FHL2: variants seen among roughly 807,000 people sequenced by gnomAD.
The protein encoded by FHL2 is four and a half LIM domains 2.
Under a neutral mutation model 32.7 loss-of-function variants are expected in FHL2, and 20 were observed. The ratio of observed to expected loss-of-function variants is 0.61; its 90% CI spans 0.43 to 0.89. The LOEUF is 0.89. Ranked by LOEUF, FHL2 falls within the 40% of genes least tolerant of loss-of-function variation. The pLI is 0.00. For missense variants in FHL2, 311 were observed against 358.6 expected, an observed-to-expected ratio of 0.87 and a Z score of 1.07; for synonymous variants, 123 against 128.1, an observed-to-expected ratio of 0.96 and a Z score of 0.27.
intron 6 of FHL2, among the ~76,000 whole-genome samples, chr2:105,362,557 C>G (rs1350735457): frequency 6.6e-6 from 1 of 152,250 alleles, no homozygotes; most frequent in East Asian, 1.9e-4. Context: ...AACCAGTCAA[C>G]TGAATGCAAC....
intron 5 of FHL2, among the ~76,000 whole-genome samples, chr2:105,365,397 A>G (rs1414277103): frequency 4.6e-5 from 7 of 152,206 alleles, no homozygotes; most frequent in South Asian, 4.1e-4. Context: ...TTTAATGAAC[A>G]TGCACACAAA....
intron 4 of FHL2, among the ~76,000 whole-genome samples, chr2:105,370,155 T>C (rs2104516811): frequency 6.6e-6 from 1 of 152,206 alleles, no homozygotes; most frequent in South Asian, 2.1e-4. Flanking sequence ...GGGAGATCTC[T>C]TGAGCCCAGG....
At chr2:105,411,575 G>C (rs1435977900) in intron 1 of FHL2, among the ~76,000 whole-genome samples, 2 of 80,110 alleles carry the variant, frequency 2.5e-5, no homozygotes, top group African/African-American at 9.8e-5. Flanking sequence ...GACTTTAAAA[G>C]TTCTCATGGT....
chr2:105,371,546 ATCTC>A (rs10701119), intron 4 of FHL2, among the ~76,000 whole-genome samples: 1,628 of 141,068 alleles, frequency 0.012, 22 homozygotes, highest in Non-Finnish European at 0.015. Context: ...ATCCCTTGAA[ATCTC>A]TCTCTCTCTC....
At chr2:105,436,853 A>G (rs1409506794) in intron 1 of FHL2, among the ~76,000 whole-genome samples, 1 of 152,232 alleles carries the variant, frequency 6.6e-6, no homozygotes, top group Admixed American at 6.5e-5. Flanking sequence ...TGAAAAAGAT[A>G]TAAACAATCA....
intron 1 of FHL2, among the ~76,000 whole-genome samples, chr2:105,418,706 A>T (rs904134766): frequency 6.6e-6 from 1 of 152,118 alleles, no homozygotes; most frequent in African/African-American, 2.4e-5. Flanking sequence ...CGCTCCCCTT[A>T]TCTGCAGTTT....
intron 3 of FHL2, chr2:105,386,049 C>T (rs1682285476): frequency 2.3e-6 from 1 of 433,052 alleles, no homozygotes; most frequent in African/African-American, 2.0e-5. Context: ...GAGAGCACCA[C>T]CCTTAAGAAA....
chr2:105,401,207 A>T (rs1683459686), upstream of FHL2, among the ~76,000 whole-genome samples: 2 of 152,120 alleles, frequency 1.3e-5, no homozygotes, highest in African/African-American at 4.8e-5. Flanking sequence ...GTTAGGGGTG[A>T]TAATGTGATT....
chr2:105,399,004 C>G lies in FHL2; in HGVS notation c.-238G>C. The G allele has an allele frequency of 6.7e-7, 1 of 1,502,780 alleles. No homozygotes were observed. Among genetic ancestry groups the G allele is most frequent in the Non-Finnish European group, 8.9e-7 (1 of 1,129,172 alleles). The allele number at this position is 1,502,780 out of a possible 1,614,324, so 93.1% of individuals were successfully genotyped here. A position where few individuals can be genotyped will look rare whatever the true frequency, so the allele number is the denominator to read the frequency against. ...GCGGGCCGGGGACTCCCGGACGGGG[C>G]TGGAGGGCGCGGGCGGCTGGTGGCT... On this transcript the variant is annotated 5_prime_UTR_variant, in exon 1 of 7. Transcript: ENST00000530340.
At chr2:105,395,270 C>T (rs992120424) in intron 2 of FHL2, among the ~76,000 whole-genome samples, 15 of 152,230 alleles carry the variant, frequency 9.9e-5, no homozygotes, top group African/African-American at 3.1e-4. Context: ...GCCTCGGGTC[C>T]GTCAATCACA....
intron 1 of FHL2, among the ~76,000 whole-genome samples, chr2:105,410,257 CT>C (rs1307903961): frequency 6.6e-6 from 1 of 152,246 alleles, no homozygotes; most frequent in Non-Finnish European, 1.5e-5. Context: ...CCTGAGCAGT[CT>C]TAAACCCAGG....
At chr2:105,398,500 TC>T (rs2104633767) in intron 1 of FHL2, among the ~76,000 whole-genome samples, 1 of 152,066 alleles carries the variant, frequency 6.6e-6, no homozygotes, top group South Asian at 2.1e-4. Context: ...CAGCGTCACC[TC>T]CCCGCAGCCG....
At chr2:105,378,278 T>C (rs1681621097) in intron 3 of FHL2, 1 of 441,558 alleles carries the variant, frequency 2.3e-6, no homozygotes, top group Non-Finnish European at 4.7e-6. Context: ...CCTCTAAATG[T>C]GGATATTATC....
intron 1 of FHL2, among the ~76,000 whole-genome samples, chr2:105,427,204 C>T (rs1358661584): frequency 2.0e-5 from 3 of 152,212 alleles, no homozygotes; most frequent in Non-Finnish European, 2.9e-5. Context: ...CAATCACCCT[C>T]ACATTTAATG....
intron 2 of FHL2, among the ~76,000 whole-genome samples, chr2:105,395,860 G>T (rs1375704985): frequency 6.6e-6 from 1 of 152,166 alleles, no homozygotes; most frequent in African/African-American, 2.4e-5. Flanking sequence ...GCTAGTAAAG[G>T]CGTGGGCCAC....
intron 1 of FHL2, among the ~76,000 whole-genome samples, chr2:105,431,557 G>T (rs1684431873): frequency 6.6e-6 from 1 of 152,230 alleles, no homozygotes; most frequent in South Asian, 2.1e-4. Context: ...CTGGGTCAGG[G>T]CAGTGTGACT....
At chr2:105,363,178 A>G in intron 6 of FHL2, 107 bp downstream of exon 6, 1 of 1,044,536 alleles carries the variant, frequency 9.6e-7, no homozygotes, top group African/African-American at 1.6e-5. Flanking sequence ...TCAGAGCCTT[A>G]GGGAGGTCTG....
chr2:105,402,001 G>GAA (rs1429562897), upstream of FHL2, among the ~76,000 whole-genome samples: 5 of 148,620 alleles, frequency 3.4e-5, no homozygotes, highest in Non-Finnish European at 7.4e-5. Context: ...ATATATACAC[G>GAA]AATATATACA....
chr2:105,391,225 A>G (rs1379078129), intron 2 of FHL2, among the ~76,000 whole-genome samples: 6 of 152,154 alleles, frequency 3.9e-5, no homozygotes, highest in Non-Finnish European at 7.3e-5. Context: ...AGTGCAGAAG[A>G]TACAAAGATG....
Sources: allele counts gnomAD v4.1 joint callset (sites outside exome capture counted in the v4.1 genomes callset), GRCh38; gene constraint gnomAD v4.1.1; transcripts MANE v1.5; gene names NCBI Gene and HGNC (gene_info 2026-07-23, HGNC 2026-07-21).